The following PAK5 variants were observed in gnomAD, a reference collection of about 807,000 sequenced individuals.
PAK5 encodes the protein p21 (RAC1) activated kinase 5, also known as serine/threonine-protein kinase PAK 5.
Under a neutral mutation model 65.9 loss-of-function variants are expected in PAK5, and 16 were observed. The observed-to-expected ratio is 0.24, with a 90% CI of 0.16 to 0.37. The LOEUF is 0.37. Among genes scored for constraint, PAK5 ranks in the 10% least tolerant of loss-of-function variants. PAK5 has a pLI of 1.00. For missense variants in PAK5, 785 were observed against 903.9 expected, an observed-to-expected ratio of 0.87 and a Z score of 1.69; for synonymous variants, 371 against 354.9, an observed-to-expected ratio of 1.05 and a Z score of -0.51.
intron 4 of PAK5, among the ~76,000 whole-genome samples, chr20:9,573,617 G>T (rs374743793): frequency 2.6e-5 from 4 of 152,150 alleles, no homozygotes; most frequent in Admixed American, 6.5e-5. Context: ...CCAAGTCTTG[G>T]GGGGAAGAAA....
intron 3 of PAK5, among the ~76,000 whole-genome samples, chr20:9,610,982 G>A (rs1355993543): frequency 2.6e-5 from 4 of 152,280 alleles, no homozygotes; most frequent in South Asian, 2.1e-4. Context: ...TGGACATCTC[G>A]GAAGCAGACT....
At chr20:9,688,578 T>G (rs1388429208) in intron 2 of PAK5, among the ~76,000 whole-genome samples, 2 of 151,722 alleles carry the variant, frequency 1.3e-5, no homozygotes, top group Non-Finnish European at 2.9e-5. Flanking sequence ...TGATGGCCCC[T>G]TCCTCTTATC....
intron 2 of PAK5, among the ~76,000 whole-genome samples, chr20:9,704,991 C>T (rs981840972): frequency 1.3e-5 from 2 of 152,178 alleles, no homozygotes; most frequent in African/African-American, 2.4e-5. Flanking sequence ...CAATCTTGTT[C>T]CCTGGGGAAA....
intron 3 of PAK5, among the ~76,000 whole-genome samples, chr20:9,587,231 A>G (rs1272044755): frequency 6.6e-6 from 1 of 152,180 alleles, no homozygotes; most frequent in East Asian, 1.9e-4. Flanking sequence ...GAAGAAATAA[A>G]TCTAGCTTCA....
intron 3 of PAK5, among the ~76,000 whole-genome samples, chr20:9,583,068 A>AAGAT (rs2046008055): frequency 6.6e-6 from 1 of 152,176 alleles, no homozygotes; most frequent in African/African-American, 2.4e-5. Context: ...ATTAGAAATT[A>AAGAT]AGATTTGGTT....
At chr20:9,673,195 A>C (rs776054916) in intron 2 of PAK5, among the ~76,000 whole-genome samples, 14 of 152,206 alleles carry the variant, frequency 9.2e-5, no homozygotes, top group Non-Finnish European at 2.1e-4. Flanking sequence ...AGATGGAAGA[A>C]ACCTGGCACC....
intron 2 of PAK5, among the ~76,000 whole-genome samples, chr20:9,658,137 T>A (rs1462992536): frequency 6.6e-6 from 1 of 152,220 alleles, no homozygotes; most frequent in East Asian, 1.9e-4. Flanking sequence ...TAAAACTTAC[T>A]GGGAATTATG....
Position 9,566,171 on chromosome 20 carries a change from T to C in PAK5, c.1204A>G (p.Ser402Gly), listed in dbSNP as rs757974057. 1.2e-6 allele frequency: 2 copies of C among 1,613,624 alleles called. No homozygotes were observed. The highest frequency in any genetic ancestry group is 2.2e-5 in the South Asian group (2 of 91,060). ...GTGCTGGATGAGAGGCTGAGGGAGC[T>C]CAGGTAGGAAGCCGTGGAGATGTAC... is the stretch of plus-strand genomic sequence containing the variant. ...SQYISTASYLSSLSLSSSTYP... is the reference protein window; with the variant it reads ...SQYISTASYLGSLSLSSSTYP... The change falls in exon 5 of 10, where the codon AGC (serine) becomes GGC (glycine). Residue 402 changes from serine (S) to glycine (G), a missense_variant. This residue lies in a region of PAK5 where 422 missense variants were observed against 413.3 expected (regional missense o/e 1.02). Transcript: ENST00000353224.
At chr20:9,618,195 C>A (rs1600150558) in intron 3 of PAK5, among the ~76,000 whole-genome samples, 2 of 152,140 alleles carry the variant, frequency 1.3e-5, no homozygotes, top group East Asian at 3.9e-4. Flanking sequence ...GAAGGAACAG[C>A]TCTAGGAAGT....
At chr20:9,583,024 C>A (rs911478886) in intron 3 of PAK5, among the ~76,000 whole-genome samples, 2 of 152,034 alleles carry the variant, frequency 1.3e-5, no homozygotes, top group East Asian at 1.9e-4. Context: ...CCCTTCCCCC[C>A]AAATCAGGCA....
intron 2 of PAK5, among the ~76,000 whole-genome samples, chr20:9,684,261 A>G (rs2047688671): frequency 6.6e-6 from 1 of 152,160 alleles, no homozygotes; most frequent in Non-Finnish European, 1.5e-5. Context: ...TCTGCCACTT[A>G]CACTAGTTAT....
chr20:9,749,673 T>G (rs2048551904), intron 1 of PAK5, among the ~76,000 whole-genome samples: 1 of 152,188 alleles, frequency 6.6e-6, no homozygotes, highest in African/African-American at 2.4e-5. Context: ...CCCACTAAAT[T>G]ATTGCTACAA....
rs1393799354 is a variant in PAK5, at chr20:9,636,394, C to T, written c.204+7731G>A. Among the ~76,000 whole-genome samples the T allele has an allele frequency of 2.0e-5, 3 of 152,096 alleles. No individual in the cohort carries two copies. The East Asian group carries it at 5.8e-4, about 29-fold the overall frequency. ...GGGATGGCCAGACCTAAAGATTTACCTCTCTTGATTTTTCCTGTTTTTGTG... is the reference window on the plus strand; with the variant it reads ...GGGATGGCCAGACCTAAAGATTTACTTCTCTTGATTTTTCCTGTTTTTGTG... On this transcript the variant is annotated intron_variant, in intron 3 of 9. Coordinates refer to ENST00000353224, the MANE Select transcript of PAK5 (RefSeq NM_177990.4).
chr20:9,589,256 T>G (rs1222600351), intron 3 of PAK5, among the ~76,000 whole-genome samples: 1 of 152,230 alleles, frequency 6.6e-6, no homozygotes, highest in Non-Finnish European at 1.5e-5. Context: ...CTTACCCTGT[T>G]GGTAAAGAAC....
At chr20:9,599,161 T>G (rs1269461660) in intron 3 of PAK5, among the ~76,000 whole-genome samples, 1 of 152,232 alleles carries the variant, frequency 6.6e-6, no homozygotes, top group Non-Finnish European at 1.5e-5. Flanking sequence ...TCGCATAGTG[T>G]TTTCAAGGTG....
Position 9,572,460 on chromosome 20 carries a change from C to A in PAK5, c.991-6076G>T, listed in dbSNP as rs58114752. Among the ~76,000 whole-genome samples, 15 of 152,322 alleles carry A rather than the reference C, an allele frequency of 9.8e-5. No homozygotes were observed. In the East Asian group the frequency reaches 2.7e-3, roughly 27 times the overall value. ...ATGCATGTGAGAAAGATGTGCAAAG[C>A]AGTCCAGCTTAAACTGTGCAATCTT... On this transcript the variant is annotated intron_variant, in intron 4 of 9. Coordinates refer to ENST00000353224, the MANE Select transcript of PAK5 (RefSeq NM_177990.4).
At position 9,593,573 on chromosome 20, in the gene PAK5, A is replaced by AC. The variant is rs1043758691; in HGVS notation, c.205-12644dup. ...TGTCCCAGTGCTCTCCCTCCTCTTG[A>AC]CCCCCACTCCCCGGACAGGCCCCGG... On this transcript the variant is annotated intron_variant, in intron 3 of 9. Transcript: ENST00000353224. Among the ~76,000 whole-genome samples, 7 of 151,542 alleles carry AC rather than the reference A, an allele frequency of 4.6e-5. No individual in the cohort carries two copies. The South Asian group carries it at 8.4e-4, about 18-fold the overall frequency.
chr20:9,682,976 G>T (rs777190280), intron 2 of PAK5, among the ~76,000 whole-genome samples: 38 of 152,182 alleles, frequency 2.5e-4, no homozygotes, highest in Non-Finnish European at 1.0e-4. Flanking sequence ...AGACATTAGG[G>T]TGCTAGGACT....
intron 1 of PAK5, among the ~76,000 whole-genome samples, chr20:9,797,211 T>C (rs1303567777): frequency 6.6e-6 from 1 of 151,948 alleles, no homozygotes; most frequent in Non-Finnish European, 1.5e-5. Flanking sequence ...TCTGTTCATA[T>C]CCTTCACCCA....
Sources: gnomAD v4.1 joint callset for allele counts (sites outside exome capture counted in the v4.1 genomes callset) on GRCh38, gnomAD v4.1.1 for gene constraint, gnomAD v4.1.1 regional missense constraint, MANE v1.5 for transcripts, NCBI Gene and HGNC (gene_info 2026-07-23, HGNC 2026-07-21) for gene names.